The following TMEM120B variants were observed in gnomAD, a reference collection of about 807,000 sequenced individuals.
TMEM120B encodes transmembrane protein 120B.
TMEM120B carries 31 observed loss-of-function variants against 55.5 expected under a neutral mutation model. That is an observed-to-expected ratio of 0.56 (90% CI 0.42 to 0.75). The LOEUF is 0.75. TMEM120B is among the 30% of genes least tolerant of loss of function. The pLI is 0.00. For missense variants in TMEM120B, 399 were observed against 425.5 expected, an observed-to-expected ratio of 0.94 and a Z score of 0.55; for synonymous variants, 203 against 176.3, an observed-to-expected ratio of 1.15 and a Z score of -1.20.
At chr12:121,751,822 G>A (rs551521694) in intron 4 of TMEM120B, among the ~76,000 whole-genome samples, 1 of 152,288 alleles carries the variant, frequency 6.6e-6, no homozygotes, top group African/African-American at 2.4e-5. Flanking sequence ...CGCAAACCCT[G>A]GCCTTTCAGC....
chr12:121,780,555 G>C lies in TMEM120B; in HGVS notation c.*4833G>C. 1 of 494,402 alleles carries C rather than the reference G, an allele frequency of 2.0e-6. No homozygotes were observed. The highest frequency in any genetic ancestry group is 3.6e-6 in the Non-Finnish European group (1 of 280,574). 30.6% of individuals were successfully genotyped at this position (494,402 alleles called of 1,614,324 possible). A position where few individuals can be genotyped will look rare whatever the true frequency, so the allele number is the denominator to read the frequency against. ...ATAGCACAGACTTTGGATTGCAGTG[G>C]ATGGGACCAGATCCTGGCTCCACTT... On this transcript the variant is annotated 3_prime_UTR_variant, in exon 12 of 12. Transcript: ENST00000449592.
chr12:121,758,659 G>A lies in TMEM120B; in HGVS notation c.462-2990G>A. ...GGAGGACGGCCCAGCCCCGCGCTGT[G>A]GTCACCATGGAGGAGGATGGCCTAG... On this transcript the variant is annotated intron_variant, in intron 5 of 11. Coordinates refer to ENST00000449592, the MANE Select transcript of TMEM120B (RefSeq NM_001080825.2). The A allele has an allele frequency of 3.1e-6, 3 of 966,226 alleles. No homozygotes were observed. In the South Asian group the frequency reaches 1.4e-4, roughly 46 times the overall value. The allele number at this position is 966,226 out of a possible 1,614,324, so 59.9% of individuals were successfully genotyped here.
intron 5 of TMEM120B, among the ~76,000 whole-genome samples, chr12:121,759,769 G>A (rs181041960): frequency 1.3e-5 from 2 of 152,164 alleles, no homozygotes. Flanking sequence ...GGCTGAGTTG[G>A]GTGAATCACT....
In TMEM120B at chr12:121,775,108, A is replaced by T. The variant is rs766787932; in HGVS notation, c.884A>T (p.His295Leu). 6.7e-6 allele frequency: 9 copies of T among 1,346,878 alleles called. No homozygotes were observed. 83.4% of individuals were successfully genotyped at this position (1,346,878 alleles called of 1,614,324 possible). The change falls in exon 11 of 12, where the codon CAC becomes CTC. Residue 295 changes from histidine (H) to leucine (L), a missense_variant. His to Leu is a moderately conservative substitution (Grantham distance 99, BLOSUM62 -3). This residue lies in a region of TMEM120B where 260 missense variants were observed against 303.9 expected (regional missense o/e 0.86). Transcript: ENST00000449592. The surrounding 1 kb of genome is among the most constrained non-coding windows in gnomAD (Gnocchi z 4.3). ...GTCACGCTGTTTGAGCTCTCCAGCC[A>T]CGAGGAATGCAGAGAATGGCAGGTA... Reference protein sequence around the residue: ...NAVTLFELSSHEECREWQVFV... With the variant: ...NAVTLFELSSLEECREWQVFV...
intron 1 of TMEM120B, among the ~76,000 whole-genome samples, chr12:121,717,677 A>G (rs946223089): frequency 1.3e-5 from 2 of 152,094 alleles, no homozygotes; most frequent in African/African-American, 4.8e-5. Flanking sequence ...TTTTTATTTG[A>G]GACGGAGTCT....
intron 1 of TMEM120B, among the ~76,000 whole-genome samples, chr12:121,725,572 G>T (rs934899899): frequency 1.3e-5 from 2 of 152,014 alleles, no homozygotes; most frequent in Non-Finnish European, 2.9e-5. Flanking sequence ...TAACCAAAAA[G>T]TCAAAACAAC....
In TMEM120B at chr12:121,780,175, A is replaced by C. The variant is rs1874397007; in HGVS notation, c.*4453A>C. 1 of 155,928 alleles carries C rather than the reference A, an allele frequency of 6.4e-6. No individual in the cohort carries two copies. The highest frequency in any genetic ancestry group is 1.4e-5 in the Non-Finnish European group (1 of 70,072). The allele number at this position is 155,928 out of a possible 1,614,324, so 9.7% of individuals were successfully genotyped here. A position where few individuals can be genotyped will look rare whatever the true frequency, so the allele number is the denominator to read the frequency against. On this transcript the variant is annotated 3_prime_UTR_variant, in exon 12 of 12. Transcript: ENST00000449592. ...CAGGTTCAAGCGATTCTCCTGCCTC[A>C]GCCTCCCGAGTAGCTGGGATTACAG...
chr12:121,775,602 C>A lies in TMEM120B; in HGVS notation c.907-7C>A. On this transcript the variant is annotated splice_polypyrimidine_tract_variant and splice_region_variant and intron_variant, in intron 11 of 11. Transcript: ENST00000449592. The surrounding 1 kb of genome is among the most constrained non-coding windows in gnomAD (Gnocchi z 4.3). ...CCAGCCTCGCCCTCCTCTCTGGACT[C>A]CCCCAGGTGTTCGTACTGGCGTTCA... 6.2e-7 allele frequency: 1 copy of A among 1,612,450 alleles called. No homozygotes were observed. The highest frequency in any genetic ancestry group is 1.1e-5 in the South Asian group (1 of 90,958).
intron 1 of TMEM120B, among the ~76,000 whole-genome samples, chr12:121,736,881 G>A (rs1176441894): frequency 1.3e-5 from 2 of 152,006 alleles, no homozygotes; most frequent in Admixed American, 6.6e-5. Context: ...GAACCTATGC[G>A]GGACTGACAG....
Position 121,775,030 on chromosome 12 carries a change from G to A in TMEM120B, c.838-32G>A, listed in dbSNP as rs1874188893. On this transcript the variant is annotated intron_variant, in intron 10 of 11. Transcript: ENST00000449592. This position sits in a 1 kb window ranked among gnomAD's most constrained non-coding sequence, Gnocchi z 4.3. ...TCTACGTGGCCGGCCAGGGGAGTCT[G>A]GTGGGTGAGCAGCGCCTGCCTTCCT... 1.2e-6 allele frequency: 2 copies of A among 1,612,402 alleles called. No individual in the cohort carries two copies. Among genetic ancestry groups the A allele is most frequent in the Admixed American group, 1.7e-5 (1 of 59,898 alleles).
intron 1 of TMEM120B, among the ~76,000 whole-genome samples, chr12:121,715,967 A>G (rs1473803989): frequency 6.7e-6 from 1 of 150,324 alleles, no homozygotes; most frequent in African/African-American, 2.5e-5. Context: ...TAGGATGTCC[A>G]TTGCGTATGT....
chr12:121,780,804 T>C lies in TMEM120B; in HGVS notation c.*5082T>C. 2.6e-6 allele frequency: 4 copies of C among 1,533,326 alleles called. No individual in the cohort carries two copies. The highest frequency in any genetic ancestry group is 3.5e-6 in the Non-Finnish European group (4 of 1,142,454). The allele number at this position is 1,533,326 out of a possible 1,614,324, so 95.0% of individuals were successfully genotyped here. On this transcript the variant is annotated 3_prime_UTR_variant, in exon 12 of 12. Coordinates refer to ENST00000449592, the MANE Select transcript of TMEM120B (RefSeq NM_001080825.2). ...TGAAAGGCCACTAAGGCACCCCAGTTGCAGAGGCCAAAGGTCCGGGAGGCT... is the reference window on the plus strand; with the variant it reads ...TGAAAGGCCACTAAGGCACCCCAGTCGCAGAGGCCAAAGGTCCGGGAGGCT...
chr12:121,752,356 A>G lies in TMEM120B; in HGVS notation c.461+133A>G. On this transcript the variant is annotated intron_variant, in intron 5 of 11. Coordinates refer to ENST00000449592, the MANE Select transcript of TMEM120B (RefSeq NM_001080825.2). The stretch of plus-strand genomic sequence containing the variant: ...TGGCATGATGAGGTGTAGGGGAGAG[A>G]GGGGCCATTTCTCATGGGAAATGCC... 4 of 698,732 alleles carry G rather than the reference A, an allele frequency of 5.7e-6. No individual in the cohort carries two copies. The East Asian group carries it at 7.9e-5, about 14-fold the overall frequency. The allele number at this position is 698,732 out of a possible 1,614,324, so 43.3% of individuals were successfully genotyped here.
At chr12:121,743,455 G>C (rs1872990139) in intron 1 of TMEM120B, among the ~76,000 whole-genome samples, 174 bp from the exon 2 acceptor site, 1 of 151,778 alleles carries the variant, frequency 6.6e-6, no homozygotes, top group Non-Finnish European at 1.5e-5. Context: ...CTACTTGGGA[G>C]GCTGAGGCAG....
In TMEM120B at chr12:121,781,960, T is replaced by C. The variant is rs1275058179; in HGVS notation, c.*6238T>C. On this transcript the variant is annotated 3_prime_UTR_variant, in exon 12 of 12. Coordinates refer to ENST00000449592, the MANE Select transcript of TMEM120B (RefSeq NM_001080825.2). ...CTGAATCCAAATACGGATCTAGGCT[T>C]GAGCTTGGTTGGGTTTGCTTTTTTC... 1 of 152,236 alleles carries C rather than the reference T, an allele frequency of 6.6e-6. No individual in the cohort carries two copies. Among genetic ancestry groups the C allele is most frequent in the East Asian group, 1.9e-4 (1 of 5,194 alleles). The allele number at this position is 152,236 out of a possible 1,614,324, so 9.4% of individuals were successfully genotyped here.
intron 7 of TMEM120B, 124 bp from the exon 8 acceptor site, chr12:121,771,364 G>A: frequency 1.2e-6 from 1 of 846,302 alleles, no homozygotes; most frequent in East Asian, 2.5e-5. Context: ...AAGGGCGGAA[G>A]TCTGGACCTC....
In TMEM120B at chr12:121,743,687, G is replaced by T. The variant is rs1420197695; in HGVS notation, c.128G>T (p.Cys43Phe). The change falls in exon 2 of 12, where the codon TGT (cysteine) becomes TTT (phenylalanine). Residue 43 changes from cysteine to phenylalanine, a missense_variant. Cys to Phe is a radical substitution (Grantham distance 205, BLOSUM62 -2). This residue lies in a region of TMEM120B where 133 missense variants were observed against 104.1 expected (regional missense o/e 1.28). Transcript: ENST00000449592. The stretch of plus-strand genomic sequence containing the variant: ...GAGCTGGCTGCGCTGCAGACGCTGT[G>T]TAGCAGTTCCATCAGTAAGCAGAAG... The part of the protein sequence containing the change: ...LEELAALQTL[C>F]SSSISKQKKH... The T allele has an allele frequency of 1.2e-6, 2 of 1,613,622 alleles. No homozygotes were observed. The highest frequency in any genetic ancestry group is 2.7e-5 in the African/African-American group (2 of 74,902).
intron 1 of TMEM120B, among the ~76,000 whole-genome samples, chr12:121,726,677 G>C (rs946544157): frequency 4.6e-5 from 7 of 151,702 alleles, no homozygotes; most frequent in African/African-American, 1.7e-4. Context: ...GGCCAAGGTA[G>C]GTGGATTGCC....
chr12:121,758,082 G>A, intron 5 of TMEM120B: 1 of 810,428 alleles, frequency 1.2e-6, no homozygotes, highest in Non-Finnish European at 1.5e-6. Context: ...TCACGTCACT[G>A]CACTCCAGCC....
Sources: allele counts gnomAD v4.1 joint callset (sites outside exome capture counted in the v4.1 genomes callset), GRCh38; gene constraint gnomAD v4.1.1; regional missense constraint gnomAD v4.1.1; non-coding constraint Gnocchi (gnomAD v3.1); transcripts MANE v1.5; gene names NCBI Gene and HGNC (gene_info 2026-07-23, HGNC 2026-07-21).